MSMO1: variants seen among roughly 807,000 people sequenced by gnomAD.
The protein encoded by MSMO1 is methylsterol monooxygenase 1, also known as C-4 methylsterol oxidase.
MSMO1 carries 18 observed loss-of-function variants against 30.4 expected under a neutral mutation model. The ratio of observed to expected loss-of-function variants is 0.59; its 90% CI spans 0.41 to 0.88. The LOEUF (loss-of-function observed/expected upper bound fraction) is 0.88. Among genes scored for constraint, MSMO1 ranks in the 40% least tolerant of loss-of-function variants. MSMO1 has a pLI of 0.00. For synonymous variants in MSMO1, 84 were observed against 107.9 expected (o/e 0.78, Z 1.37); for missense variants, 284 against 340.5 (o/e 0.83, Z 1.31).
intron 2 of MSMO1, among the ~76,000 whole-genome samples, chr4:165,337,309 T>C (rs755332527): frequency 1.3e-5 from 2 of 152,162 alleles, no homozygotes; most frequent in Non-Finnish European, 2.9e-5. Flanking sequence ...CTCAGAGAGT[T>C]TATAATTCTG....
At chr4:165,341,168 G>C (rs1747705379) in intron 5 of MSMO1, among the ~76,000 whole-genome samples, 1 of 152,056 alleles carries the variant, frequency 6.6e-6, no homozygotes, top group Non-Finnish European at 1.5e-5. Context: ...GGAAATAAAG[G>C]AGCATACTTT....
intron 2 of MSMO1, among the ~76,000 whole-genome samples, chr4:165,337,161 T>A (rs978776809): frequency 6.6e-6 from 1 of 152,220 alleles, no homozygotes; most frequent in African/African-American, 2.4e-5. Flanking sequence ...TTTGTTTTGC[T>A]TTGTTTTTTA....
At chr4:165,338,923 C>T (rs1747637901) in intron 4 of MSMO1, 145 bp downstream of exon 4, 1 of 619,814 alleles carries the variant, frequency 1.6e-6, no homozygotes, top group East Asian at 2.9e-5. Flanking sequence ...CACATACAAA[C>T]AAGCCATTTC....
At chr4:165,331,323 A>G (rs1032302762) in intron 1 of MSMO1, among the ~76,000 whole-genome samples, 4 of 152,120 alleles carry the variant, frequency 2.6e-5, no homozygotes, top group Non-Finnish European at 5.9e-5. Flanking sequence ...GAAAAAAAAA[A>G]AGAAAAGACG....
rs1747684546 is a variant in MSMO1 at position 165,340,380 on chromosome 4, G to A, written c.686+5G>A. On this transcript the variant is annotated splice_donor_5th_base_variant and intron_variant, in intron 5 of 5. Coordinates refer to ENST00000261507, the MANE Select transcript of MSMO1 (RefSeq NM_006745.5). ...AGAAACTATTGATGTCCATAGGTGA[G>A]TATTAATTTCTGTTCAGGTATAAAG... is the stretch of plus-strand genomic sequence containing the variant. 6.2e-7 allele frequency: 1 copy of A among 1,609,740 alleles called. No homozygotes were observed. The highest frequency in any genetic ancestry group is 1.7e-4 in the Middle Eastern group (1 of 6,050).
At chr4:165,340,152 C>A in intron 4 of MSMO1, 69 bp from the exon 5 acceptor site, 9 of 1,401,294 alleles carry the variant, frequency 6.4e-6, no homozygotes, top group Non-Finnish European at 9.0e-6. Context: ...ATAGCCTAGC[C>A]AAGTTGACAC....
rs1473780392 is a variant in MSMO1 at position 165,333,521 on chromosome 4, A to G, written c.151A>G (p.Thr51Ala). 1.2e-6 allele frequency: 2 copies of G among 1,613,548 alleles called. No homozygotes were observed. The highest frequency in any genetic ancestry group is 1.3e-5 in the African/African-American group (1 of 74,920). ...LNNYTKFQIA[T>A]WGSLIVHEAL... The stretch of plus-strand genomic sequence containing the variant: ...TAATTATACAAAGTTCCAGATTGCA[A>G]CATGGGGATCCCTTATAGTTCATGA... Residue 51 changes from threonine to alanine, a missense_variant, in exon 2 of 6, where the codon ACA (threonine) becomes GCA (alanine). Transcript: ENST00000261507.
intron 5 of MSMO1, among the ~76,000 whole-genome samples, chr4:165,341,503 A>G (rs1480095960): frequency 6.6e-6 from 1 of 152,160 alleles, no homozygotes; most frequent in African/African-American, 2.4e-5. Flanking sequence ...CGTCTCTTCC[A>G]TCATTCATAT....
intron 1 of MSMO1, among the ~76,000 whole-genome samples, chr4:165,329,758 C>A (rs894599482): frequency 2.1e-4 from 32 of 151,410 alleles, no homozygotes; most frequent in Non-Finnish European, 4.0e-4. Flanking sequence ...CCTCAGCCTC[C>A]CCAGTAGGTG....
intron 1 of MSMO1, among the ~76,000 whole-genome samples, chr4:165,329,625 A>AGTTTTTTTTTTTTT (rs1747335192): frequency 1.5e-5 from 1 of 67,992 alleles, no homozygotes; most frequent in African/African-American, 6.6e-5. Context: ...ATCCATAGCG[A>AGTTTTTTTTTTTTT]TTTTTTTTTT....
At position 165,333,472 on chromosome 4, in the gene MSMO1, A is replaced by G. The variant is rs1174308545; in HGVS notation, c.102A>G (p.Lys34=). The G allele has an allele frequency of 5.6e-6, 9 of 1,613,494 alleles. No individual in the cohort carries two copies. The East Asian group carries it at 1.1e-4, about 20-fold the overall frequency. ...AGAATCCTCTGCAAGAACCATTTAAAAATGCTTGGAACTATATGTTGAATA... is the reference window on the plus strand; with the variant it reads ...AGAATCCTCTGCAAGAACCATTTAAGAATGCTTGGAACTATATGTTGAATA... ...LPENPLQEPF[K]NAWNYMLNNY... The change falls in exon 2 of 6, where the codon AAA becomes AAG. Residue 34 remains lysine, a synonymous_variant. Transcript: ENST00000261507.
intron 3 of MSMO1, 21 bp from the exon 4 acceptor site, chr4:165,338,631 T>C: frequency 6.3e-7 from 1 of 1,597,322 alleles, no homozygotes; most frequent in Non-Finnish European, 8.6e-7. Context: ...TCTTACACAT[T>C]ACAACATTTT....
intron 2 of MSMO1, among the ~76,000 whole-genome samples, chr4:165,333,841 T>C (rs80134025): frequency 0.019 from 2,877 of 152,294 alleles, 90 homozygotes; most frequent in African/African-American, 0.065. Context: ...TCAATAAATG[T>C]AAACTATCGC....
At chr4:165,330,658 C>T (rs1747362930) in intron 1 of MSMO1, among the ~76,000 whole-genome samples, 2 of 152,296 alleles carry the variant, frequency 1.3e-5, no homozygotes, top group South Asian at 4.1e-4. Flanking sequence ...GGTGGGGAGC[C>T]AGATTGCAAG....
intron 2 of MSMO1, among the ~76,000 whole-genome samples, chr4:165,335,996 G>C (rs1309980060): frequency 1.3e-5 from 2 of 152,020 alleles, no homozygotes; most frequent in Non-Finnish European, 2.9e-5. Context: ...TAACATTGAG[G>C]GTATCAATTG....
At chr4:165,328,366 A>G (rs543418641) in intron 1 of MSMO1, among the ~76,000 whole-genome samples, 11 of 152,360 alleles carry the variant, frequency 7.2e-5, no homozygotes, top group East Asian at 1.9e-4. Flanking sequence ...GTGTGCATCA[A>G]TCACAGCGGG....
chr4:165,333,601 T>C lies in MSMO1; in HGVS notation c.231T>C (p.Tyr77=), dbSNP rs1442993497. The change falls in exon 2 of 6, where the codon TAT becomes TAC. Residue 77 remains tyrosine, a synonymous_variant. Transcript: ENST00000261507. ...LPGFLFQFIP[Y]MKKYKIQKDK... ...GATTTTTATTTCAATTTATACCTTA[T>C]ATGAAAAAATACAAAATTCAAAAGG... 2.0e-5 allele frequency: 32 copies of C among 1,594,656 alleles called. No individual in the cohort carries two copies. The highest frequency in any genetic ancestry group is 2.7e-5 in the Non-Finnish European group (32 of 1,170,934).
Position 165,338,627 on chromosome 4 carries a change from A to G in MSMO1, c.405-25A>G, listed in dbSNP as rs756991433. ...AGTTTAAGTAAAAATTATTTCTTAC[A>G]CATTACAACATTTTTATCTTAAAGG... On this transcript the variant is annotated intron_variant, in intron 3 of 5. Transcript: ENST00000261507. 8.2e-6 allele frequency: 13 copies of G among 1,590,362 alleles called. No homozygotes were observed. In the East Asian group the frequency reaches 2.5e-4, roughly 30 times the overall value.
At chr4:165,332,831 T>C (rs1747437275) in intron 1 of MSMO1, among the ~76,000 whole-genome samples, 1 of 152,238 alleles carries the variant, frequency 6.6e-6, no homozygotes, top group Non-Finnish European at 1.5e-5. Flanking sequence ...AAGCACACTT[T>C]GTAGCCCTTT....
Sources: gnomAD v4.1 joint callset for allele counts (sites outside exome capture counted in the v4.1 genomes callset) on GRCh38, gnomAD v4.1.1 for gene constraint, MANE v1.5 for transcripts, NCBI Gene and HGNC (gene_info 2026-07-23, HGNC 2026-07-21) for gene names.